Variants in ATAD2B observed in about 807,000 individuals in gnomAD.
The protein encoded by ATAD2B is ATPase family AAA domain-containing protein 2B.
Under a neutral mutation model 167.6 loss-of-function variants are expected in ATAD2B, and 40 were observed. That is an observed-to-expected ratio of 0.24 (90% CI 0.19 to 0.31). ATAD2B has a LOEUF of 0.31. ATAD2B is among the 10% of genes least tolerant of loss of function. The pLI, the probability that ATAD2B is intolerant of heterozygous loss-of-function variation, is 1.00. For synonymous variants in ATAD2B, 579 were observed against 596.5 expected (o/e 0.97, Z 0.43); for missense variants, 1,242 against 1,757.2 (o/e 0.71, Z 5.24).
At chr2:23,823,622 C>G in intron 15 of ATAD2B, 53 bp from the exon 16 acceptor site, 2 of 1,483,556 alleles carry the variant, frequency 1.3e-6, no homozygotes, top group South Asian at 1.2e-5. Flanking sequence ...TTCCATGCAC[C>G]AACTATGTTT....
chr2:23,837,658 G>C (rs1407625691), intron 13 of ATAD2B, among the ~76,000 whole-genome samples: 1 of 152,224 alleles, frequency 6.6e-6, no homozygotes. Flanking sequence ...CCATCACTGT[G>C]AACTGTATCT....
intron 23 of ATAD2B, among the ~76,000 whole-genome samples, chr2:23,764,106 G>A (rs1414980462): frequency 6.6e-6 from 1 of 151,952 alleles, no homozygotes; most frequent in Admixed American, 6.6e-5. Flanking sequence ...ATTTTTCTTG[G>A]GTAGATTCCT....
intron 21 of ATAD2B, among the ~76,000 whole-genome samples, chr2:23,783,417 T>C (rs1251757002): frequency 3.9e-5 from 6 of 152,048 alleles, no homozygotes; most frequent in Admixed American, 3.9e-4. Flanking sequence ...CTTTTCATAC[T>C]ATGAGATAAG....
intron 11 of ATAD2B, among the ~76,000 whole-genome samples, chr2:23,864,515 G>A (rs72788212): frequency 0.12 from 18,309 of 151,990 alleles, 1,181 homozygotes; most frequent in Middle Eastern, 0.22. Flanking sequence ...CATCAAACTC[G>A]ATGCACTGGG....
Position 23,921,740 on chromosome 2 carries a change from G to A in ATAD2B, c.216+4815C>T, listed in dbSNP as rs143495061. The stretch of plus-strand genomic sequence containing the variant: ...CACTACTGCTTTGGTTCGAAATTGT[G>A]GCAGGGAACATTGTCACGTTACAAT... On this transcript the variant is annotated intron_variant, in intron 1 of 27. Coordinates refer to ENST00000238789, the MANE Select transcript of ATAD2B (RefSeq NM_017552.4). 2.0e-4 allele frequency among the ~76,000 whole-genome samples: 30 copies of A among 152,208 alleles called. No homozygotes were observed. The East Asian group carries it at 5.6e-3, about 28-fold the overall frequency.
In ATAD2B at chr2:23,888,418, T is replaced by C; in HGVS notation, c.369-19A>G. On this transcript the variant is annotated intron_variant, in intron 2 of 27. Transcript: ENST00000238789. ...AGTTAACCTAGAACACAATAATATTTAATATGCAAACACATCAACATTTGC... is the reference window on the plus strand; with the variant it reads ...AGTTAACCTAGAACACAATAATATTCAATATGCAAACACATCAACATTTGC... The C allele has an allele frequency of 6.6e-7, 1 of 1,512,186 alleles. No individual in the cohort carries two copies. The highest frequency in any genetic ancestry group is 1.3e-5 in the South Asian group (1 of 78,738). 93.7% of individuals were successfully genotyped at this position (1,512,186 alleles called of 1,614,324 possible). A position where few individuals can be genotyped will look rare whatever the true frequency, so the allele number is the denominator to read the frequency against.
chr2:23,696,219 C>A, the ATAD2B span: 1 of 1,489,322 alleles, frequency 6.7e-7, no homozygotes, highest in Non-Finnish European at 9.1e-7. This position sits in a 1 kb window ranked among gnomAD's most constrained non-coding sequence, Gnocchi z 5.5. Flanking sequence ...AAGGCCATGG[C>A]CCAGAAGTGT....
chr2:23,711,450 AC>A, the ATAD2B span, among the ~76,000 whole-genome samples: 158 of 134,256 alleles, frequency 1.2e-3, no homozygotes, highest in African/African-American at 4.4e-3. Context: ...GGTCACTGCA[AC>A]CTCCGCCTCC....
Position 23,819,755 on chromosome 2 carries a change from A to T in ATAD2B, c.2259T>A (p.His753Gln). The T allele has an allele frequency of 6.3e-7, 1 of 1,597,936 alleles. No homozygotes were observed. Among genetic ancestry groups the T allele is most frequent in the Non-Finnish European group, 8.5e-7 (1 of 1,173,024 alleles). Residue 753 changes from histidine (H) to glutamine (Q), a missense_variant, in exon 17 of 28, where the codon CAT becomes CAA. By Grantham distance (24) the His-to-Gln change is conservative (BLOSUM62 0). Transcript: ENST00000238789. ...SSAAIHKPYL[H>Q]FTMSPYHQPT... The stretch of plus-strand genomic sequence containing the variant: ...TGATATAAATCACTCACATTGTAAA[A>T]TGAAGGTAGGGTTTATGTATAGCAG...
the ATAD2B span, among the ~76,000 whole-genome samples, chr2:23,709,853 G>C: frequency 2.0e-5 from 3 of 152,320 alleles, no homozygotes; most frequent in Non-Finnish European, 2.9e-5. Flanking sequence ...CAATCATCTT[G>C]TTAACTCTTT....
chr2:23,885,888 G>C, intron 4 of ATAD2B, 59 bp from the exon 5 acceptor site: 1 of 997,842 alleles, frequency 1.0e-6, no homozygotes, highest in Non-Finnish European at 1.5e-6. Context: ...ACATAAAAGA[G>C]CTCTTTGTGA....
At chr2:23,812,236 T>A in intron 17 of ATAD2B, among the ~76,000 whole-genome samples, 1 of 136,090 alleles carries the variant, frequency 7.3e-6, no homozygotes. Context: ...ACAGAAGAAA[T>A]AGAAAAATCA....
At chr2:23,696,308 TCTCTGCCTCCCA>T in the ATAD2B span, 1 of 1,550,372 alleles carries the variant, frequency 6.5e-7, no homozygotes, top group South Asian at 1.2e-5. The surrounding 1 kb of genome is among the most constrained non-coding windows in gnomAD (Gnocchi z 5.5). Flanking sequence ...CCGCCCGCTC[TCTCTGCCTCCCA>T]CACTGCCTCC....
chr2:23,918,499 CTG>C (rs1703411768), intron 1 of ATAD2B, among the ~76,000 whole-genome samples: 1 of 152,110 alleles, frequency 6.6e-6, no homozygotes, highest in African/African-American at 2.4e-5. Context: ...AAAACAATCT[CTG>C]TACAATATGC....
chr2:23,693,135 C>G, the ATAD2B span: 13 of 1,067,384 alleles, frequency 1.2e-5, no homozygotes, highest in African/African-American at 1.7e-4. Flanking sequence ...AGGGGGCCTG[C>G]AGGGACTCTG....
chr2:23,694,534 C>T, the ATAD2B span, among the ~76,000 whole-genome samples: 1 of 152,178 alleles, frequency 6.6e-6, no homozygotes, highest in Non-Finnish European at 1.5e-5. Flanking sequence ...GTTGCCTCGT[C>T]GACTCCACAG....
In ATAD2B at chr2:23,757,618, A is replaced by G. The variant is rs1419229948; in HGVS notation, c.3878T>C (p.Val1293Ala). 6.2e-7 allele frequency: 1 copy of G among 1,613,854 alleles called. No homozygotes were observed. The highest frequency in any genetic ancestry group is 1.7e-5 in the Admixed American group (1 of 60,026). Reference sequence around the variant, plus strand: ...TTTATCTCCACTATCACAGAAAGAAACTACTTCAAGCTTGCCATTCTGACA... The same window carrying G: ...TTTATCTCCACTATCACAGAAAGAAGCTACTTCAAGCTTGCCATTCTGACA... ...LECQNGKLEV[V>A]SFCDSGDKCS... is the part of the protein sequence containing the mutation. The change falls in exon 25 of 28, where the codon GTT (valine) becomes GCT (alanine). Residue 1293 changes from valine (V) to alanine (A), a missense_variant. Coordinates refer to ENST00000238789, the MANE Select transcript of ATAD2B (RefSeq NM_017552.4).
At chr2:23,684,365 G>A in the ATAD2B span, 1 of 1,366,842 alleles carries the variant, frequency 7.3e-7, no homozygotes, top group Non-Finnish European at 9.5e-7. This position sits in a 1 kb window ranked among gnomAD's most constrained non-coding sequence, Gnocchi z 4.4. Flanking sequence ...CTCTTAATGG[G>A]AACCTGGCCC....
intron 9 of ATAD2B, among the ~76,000 whole-genome samples, chr2:23,869,401 C>T (rs1208949674): frequency 2.6e-5 from 4 of 152,196 alleles, no homozygotes; most frequent in African/African-American, 9.7e-5. Context: ...AAGACAGACA[C>T]TGCCATATAG....
Sources: gnomAD v4.1 joint callset for allele counts (sites outside exome capture counted in the v4.1 genomes callset) on GRCh38, gnomAD v4.1.1 for gene constraint, Gnocchi (gnomAD v3.1) non-coding constraint, MANE v1.5 for transcripts, NCBI Gene and HGNC (gene_info 2026-07-23, HGNC 2026-07-21) for gene names.